The following ST3GAL5 variants were observed in gnomAD, a reference collection of about 807,000 sequenced individuals.
ST3GAL5 encodes ST3 beta-galactoside alpha-2,3-sialyltransferase 5.
In ST3GAL5, 25 loss-of-function variants were observed where a neutral mutation model predicts 46.1. That is an observed-to-expected ratio of 0.54 (90% confidence interval 0.40 to 0.76). The LOEUF is 0.76. Among genes scored for constraint, ST3GAL5 ranks in the 30% least tolerant of loss-of-function variants. The pLI is 0.00. For synonymous variants in ST3GAL5, 182 were observed against 192.7 expected (o/e 0.94, Z 0.46); for missense variants, 431 against 521.2 (o/e 0.83, Z 1.69).
chr2:85,844,902 T>C lies in ST3GAL5; in HGVS notation c.850-348A>G, dbSNP rs370133857. The C allele has an allele frequency of 8.3e-4, 300 of 359,620 alleles. 2 individuals carry two copies. Among genetic ancestry groups the C allele is most frequent in the Admixed American group, 2.7e-3 (66 of 24,748 alleles). 22.3% of individuals were successfully genotyped at this position (359,620 alleles called of 1,614,324 possible). On this transcript the variant is annotated intron_variant, in intron 5 of 6. Coordinates refer to ENST00000638572, the MANE Select transcript of ST3GAL5 (RefSeq NM_003896.4). ...ATTTAAGGCTATTAAGTGCTGAAACTGCCCTCACCTCGCATCCTCTCTCAC... is the reference window on the plus strand; with the variant it reads ...ATTTAAGGCTATTAAGTGCTGAAACCGCCCTCACCTCGCATCCTCTCTCAC...
chr2:85,840,916 C>T (rs1681961373), intron 6 of ST3GAL5, among the ~76,000 whole-genome samples: 1 of 131,218 alleles, frequency 7.6e-6, no homozygotes, highest in Admixed American at 8.3e-5. Context: ...TGCACTCCAC[C>T]CTGGCGACAG....
intron 1 of ST3GAL5, among the ~76,000 whole-genome samples, chr2:85,882,233 G>C (rs1447708753): frequency 6.6e-6 from 1 of 152,232 alleles, no homozygotes; most frequent in Non-Finnish European, 1.5e-5. Context: ...ACCTCTGTTA[G>C]GGCAGTGCAG....
chr2:85,842,824 C>T (rs1419663924), intron 6 of ST3GAL5, among the ~76,000 whole-genome samples: 3 of 150,424 alleles, frequency 2.0e-5, no homozygotes, highest in Admixed American at 6.6e-5. Context: ...TGCAATGGGG[C>T]GATCTCGGCT....
At chr2:85,844,793 C>A in intron 5 of ST3GAL5, 1 of 573,850 alleles carries the variant, frequency 1.7e-6, no homozygotes, top group Non-Finnish European at 3.1e-6. Flanking sequence ...ATTGCAGAAC[C>A]AGCTTGTATT....
intron 1 of ST3GAL5, among the ~76,000 whole-genome samples, chr2:85,884,590 C>A (rs763143734): frequency 1.3e-5 from 2 of 152,182 alleles, no homozygotes; most frequent in African/African-American, 4.8e-5. Context: ...AACAACTGGA[C>A]TGCAGAAAGT....
intron 6 of ST3GAL5, among the ~76,000 whole-genome samples, chr2:85,841,696 T>C (rs1311297871): frequency 1.3e-5 from 2 of 152,234 alleles, no homozygotes; most frequent in Non-Finnish European, 2.9e-5. Context: ...AAATGTATCC[T>C]ACTGACCTTG....
chr2:85,877,769 T>A (rs1241793409), intron 1 of ST3GAL5, among the ~76,000 whole-genome samples: 1 of 152,064 alleles, frequency 6.6e-6, no homozygotes, highest in African/African-American at 2.4e-5. Context: ...AATTCAAACC[T>A]CAGGAATGAA....
intron 3 of ST3GAL5, among the ~76,000 whole-genome samples, chr2:85,857,137 C>G (rs1459635300): frequency 1.4e-5 from 2 of 144,414 alleles, no homozygotes; most frequent in Admixed American, 1.4e-4. Flanking sequence ...CCCAGCTACT[C>G]AGGAGGCTGA....
intron 1 of ST3GAL5, chr2:85,869,925 G>A (rs1573678604): frequency 7.3e-6 from 2 of 275,108 alleles, no homozygotes; most frequent in South Asian, 7.0e-5. Flanking sequence ...CCACACTGAA[G>A]CCACCCAGCC....
chr2:85,873,864 C>A lies in ST3GAL5; in HGVS notation c.83-10379G>T, dbSNP rs962492816. On this transcript the variant is annotated intron_variant, in intron 1 of 6. Coordinates refer to ENST00000638572, the MANE Select transcript of ST3GAL5 (RefSeq NM_003896.4). ...CACACTTCATCCCCAGAATGTCCCC[C>A]CTGGTGGTAGGTCCAGGTGAGGATG... Among the ~76,000 whole-genome samples, 6 of 152,196 alleles carry A rather than the reference C, an allele frequency of 3.9e-5. 1 individual carries two copies. The highest frequency in any genetic ancestry group is 3.3e-4 in the Admixed American group (5 of 15,284).
chr2:85,864,599 A>G (rs1685086891), intron 1 of ST3GAL5, among the ~76,000 whole-genome samples: 1 of 151,902 alleles, frequency 6.6e-6, no homozygotes, highest in African/African-American at 2.4e-5. Context: ...AAAAAAAGAA[A>G]AAGAGAGAAT....
intron 3 of ST3GAL5, 27 bp from the exon 4 acceptor site, chr2:85,848,231 T>C: frequency 1.2e-6 from 2 of 1,613,780 alleles, no homozygotes; most frequent in Non-Finnish European, 1.7e-6. Context: ...CCAATCTGGG[T>C]TTTAAAAACT....
intron 1 of ST3GAL5, among the ~76,000 whole-genome samples, chr2:85,867,355 T>C (rs978914360): frequency 6.6e-6 from 1 of 152,200 alleles, no homozygotes; most frequent in African/African-American, 2.4e-5. Flanking sequence ...GGGACATTCA[T>C]ATGCATATTA....
intron 3 of ST3GAL5, chr2:85,852,992 G>A (rs1475026354): frequency 5.4e-6 from 7 of 1,304,236 alleles, no homozygotes; most frequent in South Asian, 2.5e-5. Context: ...TTAAAGGCAC[G>A]GTGTAGGTCT....
chr2:85,849,800 G>A (rs1558657550), intron 3 of ST3GAL5: 1 of 151,678 alleles, frequency 6.6e-6, no homozygotes, highest in African/African-American at 2.4e-5. Flanking sequence ...ATATTTAGCA[G>A]CCTTGGAATT....
intron 6 of ST3GAL5, among the ~76,000 whole-genome samples, chr2:85,841,354 C>T (rs925286308): frequency 5.3e-5 from 8 of 151,734 alleles, no homozygotes; most frequent in African/African-American, 1.7e-4. Flanking sequence ...TTTGAGACAG[C>T]ATCGGTCTCA....
At chr2:85,864,461 A>G (rs955995486) in intron 1 of ST3GAL5, among the ~76,000 whole-genome samples, 1 of 152,166 alleles carries the variant, frequency 6.6e-6, no homozygotes, top group African/African-American at 2.4e-5. Flanking sequence ...CTGATAACTT[A>G]CTAAACCTGG....
intron 1 of ST3GAL5, among the ~76,000 whole-genome samples, chr2:85,875,927 C>T (rs930012904): frequency 5.9e-5 from 9 of 152,174 alleles, no homozygotes; most frequent in Admixed American, 1.3e-4. Context: ...CAAGACCTGC[C>T]GCCTGCTCCC....
Position 85,840,198 on chromosome 2 carries a change from C to T in ST3GAL5, c.1203G>A (p.Leu401=), listed in dbSNP as rs765309675. Residue 401 remains leucine, a synonymous_variant, in exon 7 of 7, where the codon CTG becomes CTA. Coordinates refer to ENST00000638572, the MANE Select transcript of ST3GAL5 (RefSeq NM_003896.4). ...GATCTTTCACCACTCCCTCTTTGACCAGCTTTAAGAGGAACTTGGTTTCCG... is the reference window on the plus strand; with the variant it reads ...GATCTTTCACCACTCCCTCTTTGACTAGCTTTAAGAGGAACTTGGTTTCCG... The part of the protein sequence containing the change: ...VTTETKFLLK[L]VKEGVVKDLS... 1.2e-6 allele frequency: 2 copies of T among 1,614,110 alleles called. No individual in the cohort carries two copies. Among genetic ancestry groups the T allele is most frequent in the East Asian group, 4.5e-5 (2 of 44,884 alleles).
Sources: allele counts gnomAD v4.1 joint callset (sites outside exome capture counted in the v4.1 genomes callset), GRCh38; gene constraint gnomAD v4.1.1; transcripts MANE v1.5; gene names NCBI Gene and HGNC (gene_info 2026-07-23, HGNC 2026-07-21).